Variants in TBC1D4 observed in about 807,000 individuals in gnomAD.
TBC1D4 encodes TBC1 domain family member 4.
A neutral mutation model predicts 142.5 loss-of-function variants in TBC1D4; 121 were observed. The observed-to-expected ratio is 0.85, with a 90% CI of 0.73 to 0.99. TBC1D4 has a LOEUF of 0.99. Ranked by LOEUF, TBC1D4 falls within the 50% of genes least tolerant of loss-of-function variation. The probability of loss-of-function intolerance (pLI) is 0.00; values close to 1 mark genes in which losing one functional copy is unlikely to be tolerated. For synonymous variants in TBC1D4, 630 were observed against 628.2 expected (o/e 1.00, Z -0.04); for missense variants, 1,475 against 1,606.6 (o/e 0.92, Z 1.40).
At chr13:75,354,663 A>C (rs1303183623) in intron 4 of TBC1D4, among the ~76,000 whole-genome samples, 4 of 148,146 alleles carry the variant, frequency 2.7e-5, no homozygotes, top group African/African-American at 1.1e-4. Context: ...AGGGACACAG[A>C]GAAGGAGTGA....
chr13:75,364,875 T>C (rs1189028697), intron 1 of TBC1D4, among the ~76,000 whole-genome samples: 1 of 152,258 alleles, frequency 6.6e-6, no homozygotes, highest in Non-Finnish European at 1.5e-5. Context: ...CCTGTAGCAC[T>C]GATTTTACTG....
intron 1 of TBC1D4, among the ~76,000 whole-genome samples, chr13:75,480,692 T>C (rs1194095927): frequency 6.6e-6 from 1 of 152,214 alleles, no homozygotes; most frequent in East Asian, 1.9e-4. Flanking sequence ...AATCTGACGA[T>C]GTCTAGTAAC....
intron 1 of TBC1D4, among the ~76,000 whole-genome samples, chr13:75,433,266 C>A (rs1886663335): frequency 6.6e-6 from 1 of 152,170 alleles, no homozygotes; most frequent in Non-Finnish European, 1.5e-5. Flanking sequence ...GAGGAAGCTG[C>A]CCTGTCCATT....
At chr13:75,342,517 C>G (rs1880798544) in intron 5 of TBC1D4, among the ~76,000 whole-genome samples, 1 of 152,066 alleles carries the variant, frequency 6.6e-6, no homozygotes, top group South Asian at 2.1e-4. Context: ...AGTGAACTTT[C>G]AATGTTATTA....
intron 3 of TBC1D4, among the ~76,000 whole-genome samples, chr13:75,357,800 A>G (rs564622743): frequency 2.6e-5 from 4 of 152,318 alleles, no homozygotes; most frequent in Admixed American, 2.6e-4. Context: ...CCAGCCACTC[A>G]GTGAGGAGCA....
rs550805237 is a variant in TBC1D4, at chr13:75,366,932, C to G, written c.499-4325G>C. ...AAGATACCTTTGATCAGGAAGCCAGCTGGAAACTGGAGGTGGTCACGAAGA... is the reference window on the plus strand; with the variant it reads ...AAGATACCTTTGATCAGGAAGCCAGGTGGAAACTGGAGGTGGTCACGAAGA... On this transcript the variant is annotated intron_variant, in intron 1 of 20. Coordinates refer to ENST00000377636, the MANE Select transcript of TBC1D4 (RefSeq NM_014832.5). 1.1e-5 allele frequency: 11 copies of G among 985,348 alleles called. No homozygotes were observed. The African/African-American group carries it at 1.7e-4, about 16-fold the overall frequency. 61.0% of individuals were successfully genotyped at this position (985,348 alleles called of 1,614,324 possible). A position where few individuals can be genotyped will look rare whatever the true frequency, so the allele number is the denominator to read the frequency against.
intron 1 of TBC1D4, 124 bp downstream of exon 1, chr13:75,481,146 T>C (rs1251235769): frequency 3.6e-6 from 5 of 1,393,490 alleles, no homozygotes; most frequent in East Asian, 5.1e-5. Context: ...GCGCGCCACG[T>C]GGAGCGCGCG....
At chr13:75,304,698 T>C (rs1258698675) in intron 15 of TBC1D4, among the ~76,000 whole-genome samples, 2 of 151,580 alleles carry the variant, frequency 1.3e-5, no homozygotes, top group Non-Finnish European at 2.9e-5. Flanking sequence ...GAGGACCGCA[T>C]AAAGGCCCTG....
chr13:75,431,163 T>C (rs1219531333), intron 1 of TBC1D4, among the ~76,000 whole-genome samples: 1 of 152,228 alleles, frequency 6.6e-6, no homozygotes, highest in African/African-American at 2.4e-5. Context: ...CTAGAAATTA[T>C]AACTGGTGTA....
intron 1 of TBC1D4, among the ~76,000 whole-genome samples, chr13:75,386,380 CTTTTT>C (rs1325185902): frequency 3.9e-5 from 3 of 77,612 alleles, no homozygotes; most frequent in African/African-American, 1.2e-4. Context: ...TTGCTATTTT[CTTTTT>C]CTTTTTCTTT....
chr13:75,296,149 G>A (rs1441654516), intron 17 of TBC1D4, among the ~76,000 whole-genome samples: 1 of 151,520 alleles, frequency 6.6e-6, no homozygotes, highest in Admixed American at 6.6e-5. Flanking sequence ...ATAAAAGGGA[G>A]TTAAAGAGCC....
chr13:75,404,050 G>C (rs953718976), intron 1 of TBC1D4, among the ~76,000 whole-genome samples: 4 of 86,550 alleles, frequency 4.6e-5, no homozygotes, highest in African/African-American at 3.3e-4. Flanking sequence ...TTTGTAGGGG[G>C]GATATATATA....
Position 75,310,112 on chromosome 13 carries a change from AG to A in TBC1D4, c.2422del (p.Leu808SerfsTer32). 6.2e-7 allele frequency: 1 copy of A among 1,613,968 alleles called. No homozygotes were observed. The highest frequency in any genetic ancestry group is 8.5e-7 in the Non-Finnish European group (1 of 1,179,956). The part of the protein sequence containing the change: ...DRNELLPLSP[L>X]SPTMEEEPLV... ...CGGTTCCTCCTCCATGGTTGGAGAG[AG>A]GGGGGACAGTGGCAGCAGCTCGTTC... On this transcript the variant is annotated frameshift_variant, in exon 14 of 21. Coordinates refer to ENST00000377636, the MANE Select transcript of TBC1D4 (RefSeq NM_014832.5). LOFTEE classifies it high-confidence loss of function.
At chr13:75,387,027 C>T (rs1370434960) in intron 1 of TBC1D4, among the ~76,000 whole-genome samples, 4 of 151,866 alleles carry the variant, frequency 2.6e-5, no homozygotes, top group Non-Finnish European at 4.4e-5. Flanking sequence ...TTTGATCTAT[C>T]AATATTTATC....
rs1332409069 is a variant in TBC1D4 at position 75,433,341 on chromosome 13, TAG to T, written c.498+47927_498+47928del. The stretch of plus-strand genomic sequence containing the variant: ...AGCACTCACTAAGTATGTATGGAAG[TAG>T]AGTGTTTTTTTAAGGGCTCATAGAT... On this transcript the variant is annotated intron_variant, in intron 1 of 20. Coordinates refer to ENST00000377636, the MANE Select transcript of TBC1D4 (RefSeq NM_014832.5). 4.6e-5 allele frequency among the ~76,000 whole-genome samples: 7 copies of T among 152,290 alleles called. No individual in the cohort carries two copies. In the South Asian group the frequency reaches 1.2e-3, roughly 27 times the overall value.
chr13:75,357,459 C>G (rs1335371057), intron 3 of TBC1D4, among the ~76,000 whole-genome samples: 1 of 152,158 alleles, frequency 6.6e-6, no homozygotes, highest in African/African-American at 2.4e-5. Flanking sequence ...CTGGCTTTCT[C>G]TCCTATAACA....
At chr13:75,367,057 C>T (rs1566432440) in intron 1 of TBC1D4, 49 of 862,984 alleles carry the variant, frequency 5.7e-5, no homozygotes, top group Middle Eastern at 1.2e-3. Flanking sequence ...TTAAAGTCCA[C>T]GTTATCACTA....
chr13:75,372,510 T>G (rs1340655686), intron 1 of TBC1D4, among the ~76,000 whole-genome samples: 1 of 152,230 alleles, frequency 6.6e-6, no homozygotes, highest in Non-Finnish European at 1.5e-5. Flanking sequence ...CCTCAAGTGA[T>G]CTGCCTGCCT....
intron 10 of TBC1D4, among the ~76,000 whole-genome samples, chr13:75,325,380 T>C (rs1401406355): frequency 1.3e-5 from 2 of 151,364 alleles, no homozygotes; most frequent in Non-Finnish European, 1.5e-5. Flanking sequence ...ACACACGATA[T>C]AAAAATTAGC....
Sources: gnomAD v4.1 joint callset for allele counts (sites outside exome capture counted in the v4.1 genomes callset) on GRCh38, gnomAD v4.1.1 for gene constraint, MANE v1.5 for transcripts, NCBI Gene and HGNC (gene_info 2026-07-23, HGNC 2026-07-21) for gene names.